GRIA1: variants seen among roughly 807,000 people sequenced by gnomAD.
GRIA1 encodes the protein glutamate receptor 1.
Under a neutral mutation model 99.2 loss-of-function variants are expected in GRIA1, and 31 were observed. The ratio of observed to expected loss-of-function variants is 0.31; its 90% confidence interval spans 0.23 to 0.42. GRIA1 has a LOEUF of 0.42. Ranked by LOEUF, GRIA1 falls within the 10% of genes least tolerant of loss-of-function variation. GRIA1 has a pLI of 1.00. For missense variants in GRIA1, 782 were observed against 1,157.5 expected (o/e 0.68, Z 4.71); for synonymous variants, 438 against 432.4 (o/e 1.01, Z -0.16).
chr5:153,537,091 G>C (rs11741791), intron 2 of GRIA1, among the ~76,000 whole-genome samples: 1 of 152,110 alleles, frequency 6.6e-6, no homozygotes, highest in Non-Finnish European at 1.5e-5. Context: ...AAAAGCAATC[G>C]GACATCTTGG....
intron 2 of GRIA1, among the ~76,000 whole-genome samples, chr5:153,541,928 C>T (rs1324461525): frequency 2.1e-5 from 2 of 97,428 alleles, no homozygotes; most frequent in Non-Finnish European, 4.0e-5. Context: ...GATCCTGTTT[C>T]AAAAAAAAAA....
In GRIA1 at chr5:153,541,788, G is replaced by C. The variant is rs1759122122; in HGVS notation, c.220+47723G>C. ...CTACTAAAAATACAAAAATTAGCTG[G>C]ACATGGTGGCCCACACCTGTAGTCT... On this transcript the variant is annotated intron_variant, in intron 2 of 15. Transcript: ENST00000285900. Among the ~76,000 whole-genome samples, 2 of 151,966 alleles carry C rather than the reference G, an allele frequency of 1.3e-5. 1 individual carries two copies. Among genetic ancestry groups the C allele is most frequent in the African/African-American group, 4.8e-5 (2 of 41,370 alleles).
At chr5:153,674,704 C>A (rs766867723) in intron 6 of GRIA1, 43 bp downstream of exon 6, 1 of 1,588,826 alleles carries the variant, frequency 6.3e-7, no homozygotes, top group East Asian at 2.2e-5. Flanking sequence ...AGCCTGGTCC[C>A]TTTGCCTGCC....
chr5:153,596,811 G>A (rs1376634108), intron 2 of GRIA1, among the ~76,000 whole-genome samples: 2 of 152,216 alleles, frequency 1.3e-5, no homozygotes, highest in African/African-American at 2.4e-5. Context: ...AGGAAGAGGG[G>A]ATTCTGCACC....
chr5:153,682,118 T>A (rs1757014962), intron 7 of GRIA1, among the ~76,000 whole-genome samples: 1 of 152,002 alleles, frequency 6.6e-6, no homozygotes, highest in Non-Finnish European at 1.5e-5. Flanking sequence ...AGATTATTCT[T>A]CCCATGACTC....
At chr5:153,669,771 T>A (rs1158881197) in intron 5 of GRIA1, among the ~76,000 whole-genome samples, 1 of 152,158 alleles carries the variant, frequency 6.6e-6, no homozygotes, top group African/African-American at 2.4e-5. Context: ...TCCTTTACAC[T>A]TCTACATCAT....
chr5:153,562,299 G>A (rs1761199064), intron 2 of GRIA1, among the ~76,000 whole-genome samples: 2 of 152,130 alleles, frequency 1.3e-5, no homozygotes, highest in Admixed American at 1.3e-4. Flanking sequence ...ATATGAGGGA[G>A]TTACAGGATG....
chr5:153,811,484 G>A lies in GRIA1; in HGVS notation c.*259G>A, dbSNP rs1766816820. On this transcript the variant is annotated 3_prime_UTR_variant, in exon 16 of 16. Coordinates refer to ENST00000285900, the MANE Select transcript of GRIA1 (RefSeq NM_000827.4). ...AACACTGTACTGCAATAAGGGGAGA[G>A]TAACCCTGTCTAATGAAACCTGTGT... The A allele has an allele frequency of 4.7e-6, 2 of 426,186 alleles. No individual in the cohort carries two copies. The highest frequency in any genetic ancestry group is 2.4e-5 in the South Asian group (1 of 42,372). 26.4% of individuals were successfully genotyped at this position (426,186 alleles called of 1,614,324 possible).
intron 5 of GRIA1, among the ~76,000 whole-genome samples, chr5:153,672,768 C>T (rs1371612073): frequency 6.6e-6 from 1 of 152,184 alleles, no homozygotes; most frequent in African/African-American, 2.4e-5. Context: ...CAGTTCAGAA[C>T]TTCTCCATCG....
chr5:153,700,901 G>T lies in GRIA1; in HGVS notation c.1452+1828G>T, dbSNP rs1415769202. ...GTAGCTTTTGAGATGACATGTGAAG[G>T]TGGTTATTGAGTTGGGGAATGGGAT... On this transcript the variant is annotated intron_variant, in intron 10 of 15. Coordinates refer to ENST00000285900, the MANE Select transcript of GRIA1 (RefSeq NM_000827.4). 2.0e-5 allele frequency among the ~76,000 whole-genome samples: 3 copies of T among 152,310 alleles called. No individual in the cohort carries two copies. The East Asian group carries it at 5.8e-4, about 29-fold the overall frequency.
At chr5:153,745,607 A>G (rs1319523003) in intron 11 of GRIA1, among the ~76,000 whole-genome samples, 20 of 129,170 alleles carry the variant, frequency 1.5e-4, no homozygotes, top group South Asian at 1.4e-3. Flanking sequence ...AAAAAAAAAA[A>G]AAAAAGAAAA....
chr5:153,783,991 C>T (rs1764805050), intron 13 of GRIA1, among the ~76,000 whole-genome samples: 1 of 152,194 alleles, frequency 6.6e-6, no homozygotes, highest in Non-Finnish European at 1.5e-5. Context: ...TGTGCCAATG[C>T]AGAGGTGAGC....
chr5:153,675,859 ATT>A lies in GRIA1; in HGVS notation c.862-1121_862-1120del, dbSNP rs11409143. Reference sequence around the variant, plus strand: ...GACAAAAATAACCAAATGTAATTTAATTTTTTTTTTTTTTTGAGATGGAGTCT... The same window carrying A: ...GACAAAAATAACCAAATGTAATTTAATTTTTTTTTTTTTGAGATGGAGTCT... On this transcript the variant is annotated intron_variant, in intron 6 of 15. Transcript: ENST00000285900. Among the ~76,000 whole-genome samples, 740 of 145,680 alleles carry A rather than the reference ATT, an allele frequency of 5.1e-3. 6 individuals carry two copies. The highest frequency in any genetic ancestry group is 0.018 in the African/African-American group (693 of 39,496).
intron 7 of GRIA1, among the ~76,000 whole-genome samples, chr5:153,680,350 C>T (rs917343306): frequency 6.6e-6 from 1 of 151,968 alleles, no homozygotes; most frequent in African/African-American, 2.4e-5. Flanking sequence ...TCCTGGAGGC[C>T]CTCAGCACTC....
At chr5:153,807,831 T>A (rs1766543617) in intron 15 of GRIA1, among the ~76,000 whole-genome samples, 1 of 152,218 alleles carries the variant, frequency 6.6e-6, no homozygotes, top group Non-Finnish European at 1.5e-5. Flanking sequence ...CAAAGTATTA[T>A]TCACCACCTC....
Position 153,764,593 on chromosome 5 carries a change from C to T in GRIA1, c.1983C>T (p.Tyr661=), listed in dbSNP as rs149931571. ...TAGCGAAGCAGACAGAAATTGCCTA[C>T]GGGACGCTGGAAGCAGGATCTACTA... ...EDLAKQTEIA[Y]GTLEAGSTKE... is the part of the protein sequence containing the mutation. Residue 661 remains tyrosine, a synonymous_variant, in exon 12 of 16, where the codon TAC becomes TAT. Coordinates refer to ENST00000285900, the MANE Select transcript of GRIA1 (RefSeq NM_000827.4). 5.7e-5 allele frequency: 92 copies of T among 1,613,932 alleles called. No individual in the cohort carries two copies. In the African/African-American group the frequency reaches 7.3e-4, roughly 13 times the overall value.
At chr5:153,699,721 G>GT (rs1561780285) in intron 10 of GRIA1, among the ~76,000 whole-genome samples, 1 of 151,834 alleles carries the variant, frequency 6.6e-6, no homozygotes, top group Non-Finnish European at 1.5e-5. Flanking sequence ...CTTATATAAC[G>GT]GTTACCTGTG....
intron 2 of GRIA1, among the ~76,000 whole-genome samples, chr5:153,561,341 A>G (rs989267289): frequency 6.6e-6 from 1 of 152,136 alleles, no homozygotes; most frequent in African/African-American, 2.4e-5. Flanking sequence ...ACCCGTACTC[A>G]AGGATGTGAG....
chr5:153,682,517 C>T (rs1242408140), intron 7 of GRIA1, among the ~76,000 whole-genome samples: 1 of 152,152 alleles, frequency 6.6e-6, no homozygotes, highest in Non-Finnish European at 1.5e-5. Context: ...CCACGTCCAC[C>T]CTCTTTGCCA....
Sources: allele counts gnomAD v4.1 joint callset (sites outside exome capture counted in the v4.1 genomes callset), GRCh38; gene constraint gnomAD v4.1.1; transcripts MANE v1.5; gene names NCBI Gene and HGNC (gene_info 2026-07-23, HGNC 2026-07-21).